Variants in AZIN1 observed in about 807,000 individuals in gnomAD.
AZIN1 encodes antizyme inhibitor 1.
In AZIN1, 12 loss-of-function variants were observed where a neutral mutation model predicts 47.4. That is an observed-to-expected ratio of 0.25 (90% CI 0.16 to 0.41). The LOEUF (loss-of-function observed/expected upper bound fraction) is 0.41. Among genes scored for constraint, AZIN1 ranks in the 10% least tolerant of loss-of-function variants. The pLI, the probability that AZIN1 is intolerant of heterozygous loss-of-function variation, is 1.00. For synonymous variants in AZIN1, 155 were observed against 176.3 expected (o/e 0.88, Z 0.96); for missense variants, 410 against 532.4 (o/e 0.77, Z 2.26).
chr8:102,862,366 T>C (rs1353534134), intron 1 of AZIN1, among the ~76,000 whole-genome samples: 1 of 152,160 alleles, frequency 6.6e-6, no homozygotes. Context: ...GGTGGAAGTA[T>C]AACTCTTTTT....
intron 3 of AZIN1, 87 bp from the exon 4 acceptor site, chr8:102,839,910 TC>T: frequency 1.1e-6 from 1 of 909,628 alleles, no homozygotes; most frequent in Non-Finnish European, 1.6e-6. Context: ...CCTCTTTTCC[TC>T]CACAAATATA....
chr8:102,838,305 G>A (rs918379908), intron 5 of AZIN1, among the ~76,000 whole-genome samples: 12 of 152,110 alleles, frequency 7.9e-5, no homozygotes, highest in Admixed American at 3.9e-4. Flanking sequence ...TCTAGGCTTC[G>A]AAGACACTGT....
chr8:102,844,164 G>A (rs1374200723), intron 2 of AZIN1, among the ~76,000 whole-genome samples: 2 of 152,162 alleles, frequency 1.3e-5, no homozygotes, highest in South Asian at 2.1e-4. Context: ...CCAATATACT[G>A]TCAGCCACGT....
At chr8:102,842,352 A>G (rs1214473366) in intron 3 of AZIN1, among the ~76,000 whole-genome samples, 10 of 151,490 alleles carry the variant, frequency 6.6e-5, no homozygotes, top group African/African-American at 2.4e-4. Flanking sequence ...GGCAGATCAC[A>G]TGTTGGTCAG....
chr8:102,842,406 TA>T (rs1812260888), intron 3 of AZIN1, among the ~76,000 whole-genome samples: 1 of 150,372 alleles, frequency 6.7e-6, no homozygotes, highest in African/African-American at 2.4e-5. Context: ...CCCCATCTAC[TA>T]AAAATACAAA....
At chr8:102,834,968 C>G in intron 6 of AZIN1, 1 of 488,280 alleles carries the variant, frequency 2.0e-6, no homozygotes, top group Non-Finnish European at 3.6e-6. Context: ...ATTCTATAAA[C>G]AAAAATTCTT....
chr8:102,847,958 C>T (rs1034493403), intron 2 of AZIN1, among the ~76,000 whole-genome samples: 33 of 152,222 alleles, frequency 2.2e-4, no homozygotes, highest in African/African-American at 7.2e-4. Context: ...TATAGTCATG[C>T]GTTGCATAAC....
intron 2 of AZIN1, among the ~76,000 whole-genome samples, chr8:102,846,960 T>C (rs908571610): frequency 6.6e-6 from 1 of 152,150 alleles, no homozygotes; most frequent in African/African-American, 2.4e-5. Context: ...ACATATAGTG[T>C]CATTATCAAT....
intron 1 of AZIN1, among the ~76,000 whole-genome samples, chr8:102,863,579 C>G (rs1193265245): frequency 1.3e-5 from 2 of 150,534 alleles, no homozygotes; most frequent in Admixed American, 1.3e-4. Flanking sequence ...CTCCGCCAAG[C>G]GTCCAGCAGC....
chr8:102,834,579 A>T, intron 7 of AZIN1, 87 bp downstream of exon 7: 1 of 990,542 alleles, frequency 1.0e-6, no homozygotes, highest in Non-Finnish European at 1.5e-6. Context: ...TAGTCAGAGT[A>T]ATTCACACAG....
At chr8:102,847,404 T>A (rs1356661287) in intron 2 of AZIN1, among the ~76,000 whole-genome samples, 1 of 151,172 alleles carries the variant, frequency 6.6e-6, no homozygotes, top group African/African-American at 2.4e-5. Context: ...TTTTCTTTGA[T>A]GCTCTCTTGA....
chr8:102,836,207 T>A (rs771084752), intron 6 of AZIN1, 49 bp downstream of exon 6: 1 of 1,566,980 alleles, frequency 6.4e-7, no homozygotes, highest in Non-Finnish European at 8.7e-7. Flanking sequence ...AAAGACAGGT[T>A]ACCACCATAA....
At chr8:102,848,347 C>G (rs963644538) in intron 2 of AZIN1, among the ~76,000 whole-genome samples, 9 of 123,788 alleles carry the variant, frequency 7.3e-5, no homozygotes, top group African/African-American at 2.6e-4. Flanking sequence ...AAAAAAAAAG[C>G]CAATTCCTCA....
chr8:102,841,801 T>TAAAAAAA (rs200248209), intron 3 of AZIN1, among the ~76,000 whole-genome samples: 12 of 115,006 alleles, frequency 1.0e-4, no homozygotes, highest in Admixed American at 1.8e-4. Flanking sequence ...AATATATATA[T>TAAAAAAA]ATATAAAAAA....
In AZIN1 at chr8:102,828,609, G is replaced by C. The variant is rs941539719; in HGVS notation, c.1305C>G (p.Cys435Trp). 6.2e-7 allele frequency: 1 copy of C among 1,611,652 alleles called. No homozygotes were observed. Among genetic ancestry groups the C allele is most frequent in the African/African-American group, 1.3e-5 (1 of 74,906 alleles). ...MMKNFFFVPSCIQLSQEDSFS... is the reference protein window; with the variant it reads ...MMKNFFFVPSWIQLSQEDSFS... ...AGCTGTCTTCTTGGCTCAGCTGAAT[G>C]CAAGAAGGCACAAAGAAGAAGTTCT... Residue 435 changes from cysteine to tryptophan, a missense_variant, in exon 12 of 12, where the codon TGC becomes TGG. Cys to Trp is a radical substitution (Grantham distance 215, BLOSUM62 -2). Coordinates refer to ENST00000337198, the MANE Select transcript of AZIN1 (RefSeq NM_148174.4).
chr8:102,843,728 T>G lies in AZIN1; in HGVS notation c.-76A>C. ...ACGGGCCACCAAGCCTATGTCTGGG[T>G]CCTTAGAATATGCAACAAACTGTCA... On this transcript the variant is annotated 5_prime_UTR_variant, in exon 3 of 12. Coordinates refer to ENST00000337198, the MANE Select transcript of AZIN1 (RefSeq NM_148174.4). 6.3e-7 allele frequency: 1 copy of G among 1,579,740 alleles called. No homozygotes were observed. Among genetic ancestry groups the G allele is most frequent in the Non-Finnish European group, 8.6e-7 (1 of 1,166,890 alleles).
intron 2 of AZIN1, among the ~76,000 whole-genome samples, chr8:102,844,193 T>C (rs1208203259): frequency 6.6e-6 from 1 of 152,166 alleles, no homozygotes; most frequent in African/African-American, 2.4e-5. Flanking sequence ...TGCCAGGTAA[T>C]TGCAGATAAA....
chr8:102,857,899 A>G, intron 2 of AZIN1, 114 bp downstream of exon 2: 1 of 396,794 alleles, frequency 2.5e-6, no homozygotes, highest in Non-Finnish European at 4.4e-6. Context: ...TTTAAAAGTC[A>G]CTGCACTTTA....
At position 102,843,693 on chromosome 8, in the gene AZIN1, A is replaced by G. The variant is rs1812371271; in HGVS notation, c.-41T>C. On this transcript the variant is annotated 5_prime_UTR_variant, in exon 3 of 12. Coordinates refer to ENST00000337198, the MANE Select transcript of AZIN1 (RefSeq NM_148174.4). ...CAAAGCCGAAAGTCATAAACCAGGA[A>G]AGACAAGAGACGGGCCACCAAGCCT... is the stretch of plus-strand genomic sequence containing the variant. 1.9e-6 allele frequency: 3 copies of G among 1,612,304 alleles called. No individual in the cohort carries two copies. The highest frequency in any genetic ancestry group is 2.5e-6 in the Non-Finnish European group (3 of 1,179,298).
Sources: allele counts gnomAD v4.1 joint callset (sites outside exome capture counted in the v4.1 genomes callset), GRCh38; gene constraint gnomAD v4.1.1; transcripts MANE v1.5; gene names NCBI Gene and HGNC (gene_info 2026-07-23, HGNC 2026-07-21).